Variants in CEP97 observed in about 807,000 individuals in gnomAD.
CEP97 encodes the protein centrosomal protein of 97 kDa.
CEP97 carries 43 observed loss-of-function variants against 73.1 expected under a neutral mutation model. The observed-to-expected ratio is 0.59, with a 90% CI of 0.46 to 0.76. The LOEUF is 0.76. Ranked by LOEUF, CEP97 falls within the 30% of genes least tolerant of loss-of-function variation. The pLI, the probability that CEP97 is intolerant of heterozygous loss-of-function variation, is 0.00. For synonymous variants in CEP97, 337 were observed against 370.0 expected (o/e 0.91, Z 1.02); for missense variants, 939 against 1,014.0 (o/e 0.93, Z 1.00).
intron 10 of CEP97, chr3:101,763,121 G>A: frequency 8.4e-7 from 1 of 1,187,052 alleles, no homozygotes; most frequent in Admixed American, 2.4e-5. Flanking sequence ...ATGGGGTCTT[G>A]CCATATTGCC....
Position 101,732,534 on chromosome 3 carries a change from T to C in CEP97, c.608T>C (p.Met203Thr). The C allele has an allele frequency of 6.2e-7, 1 of 1,613,728 alleles. No homozygotes were observed. Among genetic ancestry groups the C allele is most frequent in the Non-Finnish European group, 8.5e-7 (1 of 1,179,662 alleles). The change falls in exon 6 of 11, where the codon ATG (methionine) becomes ACG (threonine). Residue 203 changes from methionine (M) to threonine (T), a missense_variant. By Grantham distance (81) the Met-to-Thr change is moderately conservative (BLOSUM62 -1). Transcript: ENST00000341893. ...SLTELEQLSI[M>T]NNPCVMATPS... is the part of the protein sequence containing the mutation. ...ACTGAATTGGAACAGTTGTCGATTA[T>C]GAACAATCCTTGTGTGATGGCAACA...
chr3:101,765,810 G>A lies in CEP97; in HGVS notation c.*259G>A, dbSNP rs1031201049. ...ATGCACTTTATTTCTTAACTGAATT[G>A]CATCAACAATGTTCCTGTTTCTTTC... On this transcript the variant is annotated 3_prime_UTR_variant, in exon 11 of 11. Coordinates refer to ENST00000341893, the MANE Select transcript of CEP97 (RefSeq NM_024548.4). 7.2e-5 allele frequency: 22 copies of A among 306,018 alleles called. No homozygotes were observed. The highest frequency in any genetic ancestry group is 4.1e-4 in the African/African-American group (19 of 46,204). 19.0% of individuals were successfully genotyped at this position (306,018 alleles called of 1,614,324 possible).
Position 101,734,427 on chromosome 3 carries a change from C to T in CEP97, c.728+1773C>T, listed in dbSNP as rs117421840. ...TGGACTCAACACATACATTATCCCT[C>T]GCCTTTTTTTGTTCTTCTCTACTAC... On this transcript the variant is annotated intron_variant, in intron 6 of 10. Coordinates refer to ENST00000341893, the MANE Select transcript of CEP97 (RefSeq NM_024548.4). Among the ~76,000 whole-genome samples the T allele has an allele frequency of 8.5e-5, 13 of 152,324 alleles. No individual in the cohort carries two copies. The East Asian group carries it at 1.2e-3, about 14-fold the overall frequency.
At chr3:101,754,519 A>G (rs1938949443) in intron 6 of CEP97, among the ~76,000 whole-genome samples, 1 of 152,156 alleles carries the variant, frequency 6.6e-6, no homozygotes, top group South Asian at 2.1e-4. Flanking sequence ...AAGCAGCAGT[A>G]TATTATTATG....
intron 1 of CEP97, among the ~76,000 whole-genome samples, chr3:101,726,158 G>A (rs1937880896): frequency 6.6e-6 from 1 of 152,076 alleles, no homozygotes; most frequent in South Asian, 2.1e-4. Context: ...CTATTTTATG[G>A]GAGAATTAGT....
At chr3:101,725,174 T>C (rs768461303) in intron 1 of CEP97, among the ~76,000 whole-genome samples, 9 of 152,132 alleles carry the variant, frequency 5.9e-5, no homozygotes, top group Non-Finnish European at 1.2e-4. Flanking sequence ...TTTGAACCCT[T>C]CCTCGGAGGT....
Position 101,757,085 on chromosome 3 carries a change from A to G in CEP97, c.916A>G (p.Asn306Asp). ...TAGGTTTCACCAGAGGCAGTTGATG[A>G]ACCAAAGCCAAAATGAAGAGTTGTC... is the stretch of plus-strand genomic sequence containing the variant. ...KQRFHQRQLM[N>D]QSQNEELSPL... Residue 306 changes from asparagine to aspartate, a missense_variant, in exon 8 of 11, where the codon AAC (asparagine) becomes GAC (aspartate). Coordinates refer to ENST00000341893, the MANE Select transcript of CEP97 (RefSeq NM_024548.4). The G allele has an allele frequency of 6.2e-7, 1 of 1,610,912 alleles. No individual in the cohort carries two copies. Among genetic ancestry groups the G allele is most frequent in the South Asian group, 1.1e-5 (1 of 90,106 alleles).
intron 10 of CEP97, chr3:101,763,288 G>A: frequency 2.1e-6 from 2 of 939,548 alleles, no homozygotes; most frequent in South Asian, 2.1e-5. Flanking sequence ...CAACAATAGA[G>A]GAATGGTTAA....
chr3:101,751,926 T>C (rs1938839513), intron 6 of CEP97, among the ~76,000 whole-genome samples: 1 of 152,194 alleles, frequency 6.6e-6, no homozygotes, highest in Non-Finnish European at 1.5e-5. Flanking sequence ...AAAGTTAATA[T>C]TGTTATGTGT....
In CEP97 at chr3:101,764,962, A is replaced by C. The variant is rs1560023193; in HGVS notation, c.2009A>C (p.Gln670Pro). 1 of 1,614,178 alleles carries C rather than the reference A, an allele frequency of 6.2e-7. No homozygotes were observed. The highest frequency in any genetic ancestry group is 2.2e-5 in the East Asian group (1 of 44,880). ...LVPSKHPLFT[Q>P]SQESSCDQNA... ...CCATCGAAACATCCATTATTTACCC[A>C]AAGCCAGGAGTCCTCTTGTGATCAA... The change falls in exon 11 of 11, where the codon CAA becomes CCA. Residue 670 changes from glutamine (Q) to proline (P), a missense_variant. Coordinates refer to ENST00000341893, the MANE Select transcript of CEP97 (RefSeq NM_024548.4).
Position 101,767,744 on chromosome 3 carries a change from C to T in CEP97, c.*2193C>T, listed in dbSNP as rs1355040588. On this transcript the variant is annotated 3_prime_UTR_variant, in exon 11 of 11. Coordinates refer to ENST00000341893, the MANE Select transcript of CEP97 (RefSeq NM_024548.4). Reference sequence around the variant, plus strand: ...TGATAATTGTTAATATTCTGTTCTTCGTCTGTGTTTTATTTAACTTTTACT... The same window carrying T: ...TGATAATTGTTAATATTCTGTTCTTTGTCTGTGTTTTATTTAACTTTTACT... 5 of 151,120 alleles carry T rather than the reference C, an allele frequency of 3.3e-5. No homozygotes were observed. Among genetic ancestry groups the T allele is most frequent in the African/African-American group, 7.4e-5 (3 of 40,536 alleles). 9.4% of individuals were successfully genotyped at this position (151,120 alleles called of 1,614,324 possible).
At position 101,737,622 on chromosome 3, in the gene CEP97, T is replaced by A. The variant is rs376068341; in HGVS notation, c.728+4968T>A. ...ATAAGTGAAGGAGAAATAAAATCCT[T>A]TACACACAAGCAAAGGCTGAGAGAT... On this transcript the variant is annotated intron_variant, in intron 6 of 10. Transcript: ENST00000341893. 3.9e-5 allele frequency among the ~76,000 whole-genome samples: 6 copies of A among 152,062 alleles called. No individual in the cohort carries two copies. In the East Asian group the frequency reaches 1.2e-3, roughly 29 times the overall value.
intron 9 of CEP97, among the ~76,000 whole-genome samples, chr3:101,761,351 G>C (rs935615808): frequency 2.0e-5 from 3 of 152,126 alleles, no homozygotes; most frequent in Non-Finnish European, 4.4e-5. Context: ...TTTGGTCTAG[G>C]GTGAGACTAT....
In CEP97 at chr3:101,766,087, C is replaced by A. The variant is rs1241975397; in HGVS notation, c.*536C>A. ...TTCCTCCTTTCGGAGTCAAGGAAAG[C>A]CTTTCTATAAGCAAATTAAGGAAGA... is the stretch of plus-strand genomic sequence containing the variant. On this transcript the variant is annotated 3_prime_UTR_variant, in exon 11 of 11. Coordinates refer to ENST00000341893, the MANE Select transcript of CEP97 (RefSeq NM_024548.4). The A allele has an allele frequency of 6.6e-6, 1 of 151,968 alleles. No homozygotes were observed. The highest frequency in any genetic ancestry group is 1.5e-5 in the Non-Finnish European group (1 of 68,000). 9.4% of individuals were successfully genotyped at this position (151,968 alleles called of 1,614,324 possible). A position where few individuals can be genotyped will look rare whatever the true frequency, so the allele number is the denominator to read the frequency against.
rs377554540 is a variant in CEP97, at chr3:101,724,761, G to C, written c.43+42G>C. On this transcript the variant is annotated intron_variant, in intron 1 of 10. Coordinates refer to ENST00000341893, the MANE Select transcript of CEP97 (RefSeq NM_024548.4). ...CCCGAGTCCTAAGGTTTACTTCACG[G>C]AGCTGAATTAAATAGTGGAGAGCAG... is the stretch of plus-strand genomic sequence containing the variant. 2.5e-6 allele frequency: 4 copies of C among 1,596,194 alleles called. No individual in the cohort carries two copies. In the South Asian group the frequency reaches 4.4e-5, roughly 18 times the overall value.
intron 6 of CEP97, among the ~76,000 whole-genome samples, chr3:101,735,873 T>C (rs1167436935): frequency 6.6e-6 from 1 of 152,154 alleles, no homozygotes; most frequent in African/African-American, 2.4e-5. Flanking sequence ...GAAAGGGGGC[T>C]GAAGCCAGCA....
At chr3:101,757,264 GA>G (rs1560019530) in intron 8 of CEP97, 68 bp downstream of exon 8, 1 of 1,509,296 alleles carries the variant, frequency 6.6e-7, no homozygotes. Flanking sequence ...TCATAAAGCA[GA>G]AAAAGGTGCA....
intron 6 of CEP97, among the ~76,000 whole-genome samples, chr3:101,737,506 A>G (rs1938314404): frequency 6.6e-6 from 1 of 152,220 alleles, no homozygotes; most frequent in South Asian, 2.1e-4. Flanking sequence ...CAGAAACCCC[A>G]CAAGCCAGAA....
At chr3:101,736,176 A>G (rs1038779831) in intron 6 of CEP97, among the ~76,000 whole-genome samples, 3 of 152,304 alleles carry the variant, frequency 2.0e-5, no homozygotes, top group South Asian at 2.1e-4. Flanking sequence ...ACATCTCTGA[A>G]AGAAAGGCAG....
Sources: gnomAD v4.1 joint callset for allele counts (sites outside exome capture counted in the v4.1 genomes callset) on GRCh38, gnomAD v4.1.1 for gene constraint, MANE v1.5 for transcripts, NCBI Gene and HGNC (gene_info 2026-07-23, HGNC 2026-07-21) for gene names.